The following SYT1 variants were observed in gnomAD, a reference collection of about 807,000 sequenced individuals.
The protein encoded by SYT1 is synaptotagmin-1.
In SYT1, 8 loss-of-function variants were observed where a neutral mutation model predicts 44.8. That is an observed-to-expected ratio of 0.18 (90% CI 0.10 to 0.32). The LOEUF is 0.32. SYT1 is among the 10% of genes least tolerant of loss of function. The probability of loss-of-function intolerance (pLI) is 1.00; values close to 1 mark genes in which losing one functional copy is unlikely to be tolerated. For missense variants in SYT1, 286 were observed against 509.3 expected (o/e 0.56, Z 4.22); for synonymous variants, 154 against 188.8 (o/e 0.82, Z 1.51).
At chr12:78,917,433 G>A (rs1004263645) in intron 1 of SYT1, among the ~76,000 whole-genome samples, 4 of 151,948 alleles carry the variant, frequency 2.6e-5, no homozygotes, top group Non-Finnish European at 5.9e-5. Context: ...GACACAAGAA[G>A]GGGAACATCA....
At chr12:79,151,553 A>G (rs1301477641) in intron 3 of SYT1, among the ~76,000 whole-genome samples, 1 of 152,176 alleles carries the variant, frequency 6.6e-6, no homozygotes, top group Non-Finnish European at 1.5e-5. Context: ...AATAAAAAAC[A>G]TCACCCTAAT....
chr12:79,439,128 A>G (rs1870256865), intron 9 of SYT1, among the ~76,000 whole-genome samples: 1 of 152,200 alleles, frequency 6.6e-6, no homozygotes, highest in South Asian at 2.1e-4. Flanking sequence ...TACTTCAGGC[A>G]TAATATGCCT....
intron 1 of SYT1, among the ~76,000 whole-genome samples, chr12:78,891,270 A>G (rs772280400): frequency 6.6e-6 from 1 of 151,840 alleles, no homozygotes; most frequent in Non-Finnish European, 1.5e-5. Context: ...CTCATTTACT[A>G]ATCATAGCAA....
rs1336235477 is a variant in SYT1, at chr12:79,308,509, A to G, written c.810+8958A>G. Among the ~76,000 whole-genome samples the G allele has an allele frequency of 2.0e-5, 3 of 148,466 alleles. 1 individual carries two copies. Among genetic ancestry groups the G allele is most frequent in the South Asian group, 4.3e-4 (2 of 4,614 alleles). ...TATACAACAAGAGCGAAACTCCGTC[A>G]AAAGAAAGAAAGAAAGAAGAAATAA... On this transcript the variant is annotated intron_variant, in intron 8 of 10. Coordinates refer to ENST00000261205, the MANE Select transcript of SYT1 (RefSeq NM_005639.3).
At chr12:79,102,686 G>A (rs758632689) in intron 3 of SYT1, among the ~76,000 whole-genome samples, 1 of 152,160 alleles carries the variant, frequency 6.6e-6, no homozygotes, top group East Asian at 1.9e-4. Flanking sequence ...CAAATACTGC[G>A]TGTGCAACTG....
chr12:79,167,795 G>A (rs568038091), intron 3 of SYT1, among the ~76,000 whole-genome samples: 1 of 152,146 alleles, frequency 6.6e-6, no homozygotes, highest in African/African-American at 2.4e-5. Flanking sequence ...CTTGTTTCAT[G>A]GAAGACAATT....
chr12:78,923,663 C>A (rs1037128039), intron 1 of SYT1, among the ~76,000 whole-genome samples: 8 of 151,728 alleles, frequency 5.3e-5, no homozygotes, highest in African/African-American at 1.7e-4. Flanking sequence ...CCAAAGGTTT[C>A]TGAACTCTCT....
At chr12:79,172,402 G>C (rs904071497) in intron 3 of SYT1, among the ~76,000 whole-genome samples, 1 of 151,932 alleles carries the variant, frequency 6.6e-6, no homozygotes, top group East Asian at 1.9e-4. Flanking sequence ...TAAAATTATA[G>C]TGAAAAATGT....
At position 79,444,064 on chromosome 12, in the gene SYT1, T is replaced by C; in HGVS notation, c.929-9T>C. 6.2e-7 allele frequency: 1 copy of C among 1,612,314 alleles called. No homozygotes were observed. The highest frequency in any genetic ancestry group is 1.1e-5 in the South Asian group (1 of 90,676). ...ATCTCCTAAAGTTTGTTTCCTGTTT[T>C]TCATTCAGATCCTTATGTGAAGATT... is the stretch of plus-strand genomic sequence containing the variant. On this transcript the variant is annotated splice_polypyrimidine_tract_variant and intron_variant, in intron 9 of 10. Transcript: ENST00000261205.
intron 3 of SYT1, among the ~76,000 whole-genome samples, chr12:79,108,271 AGTT>A (rs1031146937): frequency 2.0e-5 from 3 of 151,918 alleles, no homozygotes; most frequent in Non-Finnish European, 4.4e-5. Context: ...TTTTTTAAAA[AGTT>A]GTTAAAGCAA....
intron 9 of SYT1, among the ~76,000 whole-genome samples, chr12:79,399,008 T>C (rs1008211266): frequency 2.1e-4 from 32 of 152,200 alleles, no homozygotes; most frequent in Non-Finnish European, 1.0e-4. Flanking sequence ...TCATGTAGTC[T>C]CAGAAAGTCT....
At chr12:78,941,394 TACACACACAC>T (rs71441941) in intron 1 of SYT1, among the ~76,000 whole-genome samples, 54 of 143,812 alleles carry the variant, frequency 3.8e-4, no homozygotes, top group African/African-American at 1.0e-3. Flanking sequence ...TAATAGAATC[TACACACACAC>T]ACACACACAC....
At chr12:78,958,699 A>AG (rs2137327068) in intron 1 of SYT1, among the ~76,000 whole-genome samples, 1 of 143,632 alleles carries the variant, frequency 7.0e-6, no homozygotes, top group East Asian at 2.3e-4. Context: ...CTTTCTGAAG[A>AG]GAAAAAAAAA....
In SYT1 at chr12:79,450,823, A is replaced by C. The variant is rs1451156839; in HGVS notation, c.*1699A>C. The C allele has an allele frequency of 6.6e-6, 1 of 152,540 alleles. No individual in the cohort carries two copies. Among genetic ancestry groups the C allele is most frequent in the East Asian group, 1.9e-4 (1 of 5,198 alleles). 9.4% of individuals were successfully genotyped at this position (152,540 alleles called of 1,614,324 possible). On this transcript the variant is annotated 3_prime_UTR_variant, in exon 11 of 11. Transcript: ENST00000261205. ...TGTCAAGCACTGTGCAATATTCCAT[A>C]TTTTTCCCCACTATGGTAGACAACC...
intron 4 of SYT1, among the ~76,000 whole-genome samples, chr12:79,263,385 A>G (rs1328215343): frequency 6.6e-6 from 1 of 152,042 alleles, no homozygotes; most frequent in Non-Finnish European, 1.5e-5. Context: ...CTTAGTGAAA[A>G]CATTTACCCA....
chr12:79,010,751 A>G (rs768396103), intron 2 of SYT1, among the ~76,000 whole-genome samples: 2 of 152,120 alleles, frequency 1.3e-5, no homozygotes, highest in Non-Finnish European at 2.9e-5. Flanking sequence ...TGGAAGTTCA[A>G]AATTTTTTCT....
intron 4 of SYT1, among the ~76,000 whole-genome samples, chr12:79,232,136 A>G (rs773366271): frequency 1.3e-5 from 2 of 152,248 alleles, no homozygotes; most frequent in Non-Finnish European, 2.9e-5. Context: ...ATTCGTGTAT[A>G]TAAAGTGCTT....
At position 78,929,446 on chromosome 12, in the gene SYT1, A is replaced by AAAAAAAAAAAAAAAAAAAAAAG. The variant is rs373264605; in HGVS notation, c.-216-48353_-216-48352insAAAAAAAAAAAAAAAAAAAAAG. Reference sequence around the variant, plus strand: ...AAAAAAAAAAAAAAAAAAAAAAAAAAGGTTATTAGCAGCAATTAGTTTTAT... The same window carrying AAAAAAAAAAAAAAAAAAAAAAG: ...AAAAAAAAAAAAAAAAAAAAAAAAAAAAAAAAAAAAAAAAAAAAAAAGGGTTATTAGCAGCAATTAGTTTTAT... On this transcript the variant is annotated intron_variant, in intron 1 of 10. Coordinates refer to ENST00000261205, the MANE Select transcript of SYT1 (RefSeq NM_005639.3). 3.0e-4 allele frequency among the ~76,000 whole-genome samples: 38 copies of AAAAAAAAAAAAAAAAAAAAAAG among 128,582 alleles called. 6 individuals carry two copies. Among genetic ancestry groups the AAAAAAAAAAAAAAAAAAAAAAG allele is most frequent in the African/African-American group, 1.4e-3 (36 of 25,900 alleles). 84.4% of individuals were successfully genotyped at this position (128,582 alleles called of 152,430 possible). A position where few individuals can be genotyped will look rare whatever the true frequency, so the allele number is the denominator to read the frequency against.
In SYT1 at chr12:78,876,749, T is replaced by A. The variant is rs1199940191; in HGVS notation, c.-217+11640T>A. On this transcript the variant is annotated intron_variant, in intron 1 of 10. Transcript: ENST00000261205. ...ATAATTATATATTATATATTATATA[T>A]TGTATATTATATATATTATATATTT... is the stretch of plus-strand genomic sequence containing the variant. Among the ~76,000 whole-genome samples, 130 of 70,218 alleles carry A rather than the reference T, an allele frequency of 1.9e-3. 1 individual carries two copies. The highest frequency in any genetic ancestry group is 6.5e-3 in the African/African-American group (80 of 12,282). The allele number at this position is 70,218 out of a possible 152,430, so 46.1% of individuals were successfully genotyped here.
Sources: allele counts gnomAD v4.1 joint callset (sites outside exome capture counted in the v4.1 genomes callset), GRCh38; gene constraint gnomAD v4.1.1; transcripts MANE v1.5; gene names NCBI Gene and HGNC (gene_info 2026-07-23, HGNC 2026-07-21).